The following SAMMSON variants were observed in gnomAD, a reference collection of about 807,000 sequenced individuals.
The protein encoded by SAMMSON is survival associated mitochondrial melanoma specific oncogenic non-coding RNA.
chr3:70,251,359 A>G lies in SAMMSON; in HGVS notation n.674+1689A>G, dbSNP rs370751138. On this transcript the variant is annotated intron_variant and non_coding_transcript_variant, in intron 6 of 9. Transcript: ENST00000642114. ...TCTATGTTCATTGTTCACCTATGCC[A>G]TAATAGGGGGACTATCTGATTTTTT... Among the ~76,000 whole-genome samples, 3 of 152,240 alleles carry G rather than the reference A, an allele frequency of 2.0e-5. No individual in the cohort carries two copies. In the East Asian group the frequency reaches 5.8e-4, roughly 29 times the overall value.
At chr3:70,316,799 A>G (rs941788767) in intron 7 of SAMMSON, among the ~76,000 whole-genome samples, 4 of 152,222 alleles carry the variant, frequency 2.6e-5, no homozygotes, top group South Asian at 2.1e-4. Flanking sequence ...AGATCTCACC[A>G]AAATTTAGGT....
chr3:70,039,315 G>A (rs2067097430), intron 3 of SAMMSON, among the ~76,000 whole-genome samples: 1 of 152,040 alleles, frequency 6.6e-6, no homozygotes, highest in Admixed American at 6.6e-5. Context: ...CAACTTAGTG[G>A]GTGTTTTTGG....
intron 3 of SAMMSON, among the ~76,000 whole-genome samples, chr3:70,067,681 G>C (rs1269324144): frequency 1.3e-5 from 2 of 152,048 alleles, no homozygotes; most frequent in African/African-American, 4.8e-5. Context: ...ATGCATTGGT[G>C]GACTAATCCT....
intron 3 of SAMMSON, among the ~76,000 whole-genome samples, chr3:70,044,823 G>A (rs997516121): frequency 2.0e-5 from 3 of 147,486 alleles, no homozygotes; most frequent in Non-Finnish European, 4.5e-5. Context: ...GGAAATAATT[G>A]TAAATATTTT....
In SAMMSON at chr3:70,401,706, A is replaced by G. The variant is rs577855584; in HGVS notation, n.233+43382A>G. ...TTAGTCTAAGGATCTATTCCTTGCT[A>G]AAAGAAATATACCTTTTTAGCTTAG... On this transcript the variant is annotated intron_variant and non_coding_transcript_variant, in intron 2 of 3. Coordinates refer to the SAMMSON transcript ENST00000641053. 5.6e-4 allele frequency among the ~76,000 whole-genome samples: 85 copies of G among 152,302 alleles called. 1 individual carries two copies. Among genetic ancestry groups the G allele is most frequent in the Middle Eastern group, 6.8e-3 (2 of 294 alleles).
chr3:70,382,636 CT>C (rs1446142500), intron 9 of SAMMSON, among the ~76,000 whole-genome samples: 1 of 147,772 alleles, frequency 6.8e-6, no homozygotes, highest in African/African-American at 2.5e-5. Flanking sequence ...GATAGCAATT[CT>C]GTACACTAGT....
At chr3:70,146,880 T>C (rs1258314415) in intron 4 of SAMMSON, among the ~76,000 whole-genome samples, 1 of 151,852 alleles carries the variant, frequency 6.6e-6, no homozygotes, top group Admixed American at 6.6e-5. Flanking sequence ...AAAGAAGAAA[T>C]AAGACCGTCA....
chr3:70,224,142 A>G (rs920473543), intron 4 of SAMMSON, among the ~76,000 whole-genome samples: 9 of 152,178 alleles, frequency 5.9e-5, no homozygotes, highest in Non-Finnish European at 8.8e-5. Context: ...GAGGGAAAAT[A>G]ATTGAATGTG....
At chr3:70,147,874 G>A (rs2067555734) in intron 4 of SAMMSON, among the ~76,000 whole-genome samples, 1 of 152,070 alleles carries the variant, frequency 6.6e-6, no homozygotes, top group Non-Finnish European at 1.5e-5. Context: ...GCTGCAGCCT[G>A]GGATAAAAGT....
chr3:70,031,868 C>T (rs918406765), intron 3 of SAMMSON, among the ~76,000 whole-genome samples: 2 of 152,056 alleles, frequency 1.3e-5, no homozygotes, highest in African/African-American at 4.8e-5. Context: ...CAGCACAGTA[C>T]CAGGCTCACA....
At chr3:70,131,785 A>G (rs2067483899) in intron 4 of SAMMSON, among the ~76,000 whole-genome samples, 1 of 151,702 alleles carries the variant, frequency 6.6e-6, no homozygotes, top group Non-Finnish European at 1.5e-5. Context: ...GGTCTCACTA[A>G]ATTGCTCGTC....
chr3:70,206,900 A>T (rs1701296825), intron 4 of SAMMSON: 1 of 395,238 alleles, frequency 2.5e-6, no homozygotes, highest in Non-Finnish European at 4.5e-6. Context: ...TTAAAGTCTT[A>T]AGAAAACAAA....
intron 9 of SAMMSON, among the ~76,000 whole-genome samples, chr3:70,387,297 A>G (rs2106755223): frequency 6.6e-6 from 1 of 152,212 alleles, no homozygotes; most frequent in Non-Finnish European, 1.5e-5. Context: ...ATTGGATGGA[A>G]GAGAGTGCAC....
At chr3:70,028,161 TCC>T (rs2067049672) in intron 3 of SAMMSON, among the ~76,000 whole-genome samples, 1 of 146,378 alleles carries the variant, frequency 6.8e-6, no homozygotes, top group Non-Finnish European at 1.5e-5. Flanking sequence ...CTTCCTTCCT[TCC>T]TTCCTTCCTT....
chr3:70,300,387 A>T (rs538469903), intron 7 of SAMMSON, among the ~76,000 whole-genome samples: 2 of 152,170 alleles, frequency 1.3e-5, no homozygotes, highest in African/African-American at 4.8e-5. Flanking sequence ...TTTGTGTTTG[A>T]TTCTCTCATT....
At chr3:70,271,588 T>C (rs1418784001) in intron 6 of SAMMSON, among the ~76,000 whole-genome samples, 1 of 152,218 alleles carries the variant, frequency 6.6e-6, no homozygotes, top group Non-Finnish European at 1.5e-5. Flanking sequence ...CAAATTCTGG[T>C]TGGTCCATTA....
intron 9 of SAMMSON, among the ~76,000 whole-genome samples, chr3:70,364,935 T>C (rs1369097377): frequency 6.6e-6 from 1 of 151,852 alleles, no homozygotes; most frequent in Non-Finnish European, 1.5e-5. Context: ...TCTCTTTCAA[T>C]GAGATCGTGT....
At chr3:70,084,197 C>T (rs2067277467) in intron 4 of SAMMSON, among the ~76,000 whole-genome samples, 1 of 152,134 alleles carries the variant, frequency 6.6e-6, no homozygotes, top group Admixed American at 6.5e-5. Context: ...AAACAAACCT[C>T]AGTGGGAGTG....
At chr3:70,344,749 G>C (rs961954502) in intron 7 of SAMMSON, among the ~76,000 whole-genome samples, 1 of 152,140 alleles carries the variant, frequency 6.6e-6, no homozygotes. Context: ...TAATGGGTTT[G>C]AGTGTGAACG....
Sources: gnomAD v4.1 joint callset for allele counts (sites outside exome capture counted in the v4.1 genomes callset) on GRCh38, gnomAD v4.1.1 for gene constraint, MANE v1.5 for transcripts, NCBI Gene and HGNC (gene_info 2026-07-23, HGNC 2026-07-21) for gene names.